TMEM132B: variants seen among roughly 807,000 people sequenced by gnomAD.
The protein encoded by TMEM132B is transmembrane protein 132B.
TMEM132B carries 18 observed loss-of-function variants against 90.8 expected under a neutral mutation model. The ratio of observed to expected loss-of-function variants is 0.20; its 90% CI spans 0.14 to 0.29. TMEM132B has a LOEUF of 0.29. Among genes scored for constraint, TMEM132B ranks in the 10% least tolerant of loss-of-function variants. The pLI is 1.00. For synonymous variants in TMEM132B, 504 were observed against 523.3 expected (o/e 0.96, Z 0.50); for missense variants, 1,096 against 1,326.8 (o/e 0.83, Z 2.70).
At chr12:125,391,864 T>C (rs1879033303) in intron 2 of TMEM132B, among the ~76,000 whole-genome samples, 1 of 152,294 alleles carries the variant, frequency 6.6e-6, no homozygotes, top group South Asian at 2.1e-4. Context: ...CCTCCTGGGC[T>C]CGTCTGGTCC....
intron 1 of TMEM132B, among the ~76,000 whole-genome samples, chr12:125,319,920 G>A (rs1461206356): frequency 6.6e-6 from 1 of 152,224 alleles, no homozygotes; most frequent in African/African-American, 2.4e-5. Flanking sequence ...GGAGGCTGAG[G>A]TGGGAGGATT....
intron 1 of TMEM132B, among the ~76,000 whole-genome samples, chr12:125,217,838 TG>T (rs1005702273): frequency 6.6e-6 from 1 of 152,206 alleles, no homozygotes; most frequent in Non-Finnish European, 1.5e-5. Flanking sequence ...AATTGCGCAC[TG>T]AGATGTTTAT....
At chr12:125,291,129 T>C (rs1875527134) in intron 1 of TMEM132B, among the ~76,000 whole-genome samples, 1 of 152,212 alleles carries the variant, frequency 6.6e-6, no homozygotes, top group South Asian at 2.1e-4. Flanking sequence ...ATGATGGGAC[T>C]GGTGCCTTTA....
intron 2 of TMEM132B, among the ~76,000 whole-genome samples, chr12:125,353,846 A>G (rs1330843106): frequency 6.6e-6 from 1 of 152,234 alleles, no homozygotes; most frequent in Non-Finnish European, 1.5e-5. Flanking sequence ...CTCAACATCC[A>G]GACTGTAGAA....
chr12:125,270,086 A>G (rs1472118328), intron 1 of TMEM132B, among the ~76,000 whole-genome samples: 1 of 150,322 alleles, frequency 6.7e-6, no homozygotes, highest in Non-Finnish European at 1.5e-5. Context: ...ATGGCCAGAA[A>G]GCTAATGCCA....
intron 3 of TMEM132B, among the ~76,000 whole-genome samples, chr12:125,443,744 G>T (rs1880935289): frequency 6.6e-6 from 1 of 152,170 alleles, no homozygotes; most frequent in African/African-American, 2.4e-5. Context: ...AGTGTCAACA[G>T]ATGCCATTGA....
intron 1 of TMEM132B, among the ~76,000 whole-genome samples, chr12:125,233,776 CA>C (rs1480314711): frequency 6.6e-6 from 1 of 152,226 alleles, no homozygotes; most frequent in Non-Finnish European, 1.5e-5. Context: ...CAGAGCTTCT[CA>C]GCCACTGCTG....
intron 1 of TMEM132B, among the ~76,000 whole-genome samples, chr12:125,343,277 C>T (rs1234856373): frequency 6.6e-6 from 1 of 152,152 alleles, no homozygotes; most frequent in Non-Finnish European, 1.5e-5. Context: ...GGCTGTTTTG[C>T]TAGCAGCTGG....
At chr12:125,359,274 G>A (rs1008050924) in intron 2 of TMEM132B, among the ~76,000 whole-genome samples, 5 of 152,150 alleles carry the variant, frequency 3.3e-5, no homozygotes, top group Non-Finnish European at 7.3e-5. Context: ...CTAACCAGAT[G>A]TGTTCCTACA....
At chr12:125,224,535 A>G (rs555092019) in intron 1 of TMEM132B, among the ~76,000 whole-genome samples, 39 of 152,316 alleles carry the variant, frequency 2.6e-4, no homozygotes, top group African/African-American at 8.2e-4. Context: ...CAGGTGGGTG[A>G]CTGTCTTGTA....
chr12:125,582,271 AATTATTATTATT>A (rs3042320), intron 4 of TMEM132B, among the ~76,000 whole-genome samples: 33,291 of 145,730 alleles, frequency 0.23, 4,059 homozygotes, highest in East Asian at 0.44. Context: ...AAGTTTTAGC[AATTATTATTATT>A]ATTATTATTA....
intron 1 of TMEM132B, among the ~76,000 whole-genome samples, chr12:125,217,736 G>A (rs1873469118): frequency 6.6e-6 from 1 of 152,200 alleles, no homozygotes; most frequent in African/African-American, 2.4e-5. Context: ...TTACAGGTGT[G>A]AGCTACCACG....
intron 5 of TMEM132B, among the ~76,000 whole-genome samples, chr12:125,590,015 C>G (rs955922280): frequency 2.0e-5 from 3 of 152,042 alleles, no homozygotes; most frequent in Admixed American, 6.5e-5. Flanking sequence ...GTGCTGTCCC[C>G]TTGGTGATGA....
chr12:125,435,108 C>T (rs1880663477), intron 3 of TMEM132B, among the ~76,000 whole-genome samples: 1 of 152,170 alleles, frequency 6.6e-6, no homozygotes, highest in African/African-American at 2.4e-5. Flanking sequence ...AAGATTGTGA[C>T]CACTGTCTCT....
Position 125,518,246 on chromosome 12 carries a change from T to G in TMEM132B, c.1107-1193T>G, listed in dbSNP as rs1010252775. On this transcript the variant is annotated intron_variant, in intron 3 of 8. Transcript: ENST00000682704. The stretch of plus-strand genomic sequence containing the variant: ...TCCCCACCACTGTTCTTGTAGGAGC[T>G]CCAGTGCAGGGGAGCTGTCCGTGGT... Among the ~76,000 whole-genome samples, 5 of 152,130 alleles carry G rather than the reference T, an allele frequency of 3.3e-5. No homozygotes were observed. In the South Asian group the frequency reaches 6.2e-4, roughly 19 times the overall value.
At chr12:125,569,347 G>A (rs1282312453) in intron 4 of TMEM132B, among the ~76,000 whole-genome samples, 1 of 152,116 alleles carries the variant, frequency 6.6e-6, no homozygotes, top group South Asian at 2.1e-4. Context: ...CTAGGAAATT[G>A]GTAGCAGCAT....
chr12:125,525,058 G>A (rs1883411076), intron 4 of TMEM132B, among the ~76,000 whole-genome samples: 1 of 152,116 alleles, frequency 6.6e-6, no homozygotes, highest in African/African-American at 2.4e-5. Context: ...TGGGCGCTTA[G>A]AGGGCTGCAG....
intron 1 of TMEM132B, among the ~76,000 whole-genome samples, chr12:125,232,929 A>G (rs917956336): frequency 6.6e-6 from 1 of 152,204 alleles, no homozygotes; most frequent in African/African-American, 2.4e-5. Flanking sequence ...TTTTTTCCCA[A>G]GAGTCTCAAC....
chr12:125,641,088 C>G (rs188194447), intron 5 of TMEM132B, among the ~76,000 whole-genome samples: 1 of 152,256 alleles, frequency 6.6e-6, no homozygotes, highest in African/African-American at 2.4e-5. Context: ...GGATCCAGCG[C>G]CCAAGCTGAA....
Sources: gnomAD v4.1 joint callset for allele counts (sites outside exome capture counted in the v4.1 genomes callset) on GRCh38, gnomAD v4.1.1 for gene constraint, MANE v1.5 for transcripts, NCBI Gene and HGNC (gene_info 2026-07-23, HGNC 2026-07-21) for gene names.